ROR1: variants seen among roughly 807,000 people sequenced by gnomAD.
The protein encoded by ROR1 is ROR family WNT receptor 1.
Under a neutral mutation model 78.8 loss-of-function variants are expected in ROR1, and 19 were observed. The ratio of observed to expected loss-of-function variants is 0.24; its 90% CI spans 0.17 to 0.35. The LOEUF (loss-of-function observed/expected upper bound fraction) is 0.35, where lower values mean the gene tolerates loss of function less well. ROR1 is among the 10% of genes least tolerant of loss of function. ROR1 has a pLI of 1.00. For synonymous variants in ROR1, 386 were observed against 433.6 expected, an observed-to-expected ratio of 0.89 and a Z score of 1.36; for missense variants, 917 against 1,177.8, an observed-to-expected ratio of 0.78 and a Z score of 3.24.
intron 1 of ROR1, chr1:63,789,307 C>T (rs996418824): frequency 1.3e-5 from 7 of 520,914 alleles, no homozygotes; most frequent in Non-Finnish European, 2.5e-5. Context: ...ATACTCATGG[C>T]TGTGACCATA....
rs1279736163 is a variant in ROR1 at position 63,968,644 on chromosome 1, C to A, written c.92-40661C>A. ...CAGTGAGATGGATCAAACTATTCTG[C>A]CCCCGAGTTTATTGTATACACCCAC... On this transcript the variant is annotated intron_variant, in intron 1 of 8. Transcript: ENST00000371079. 1.6e-4 allele frequency among the ~76,000 whole-genome samples: 24 copies of A among 152,148 alleles called. 1 individual carries two copies. Among genetic ancestry groups the A allele is most frequent in the Non-Finnish European group, 1.5e-5 (1 of 68,028 alleles).
At chr1:64,093,713 G>A (rs982765317) in intron 4 of ROR1, among the ~76,000 whole-genome samples, 3 of 151,944 alleles carry the variant, frequency 2.0e-5, no homozygotes, top group Non-Finnish European at 2.9e-5. Context: ...AGTGAGATAC[G>A]GTAACTTGCC....
intron 1 of ROR1, among the ~76,000 whole-genome samples, chr1:63,861,568 A>G (rs529016856): frequency 4.6e-5 from 7 of 152,324 alleles, no homozygotes; most frequent in African/African-American, 1.7e-4. Context: ...TACCACTGCC[A>G]CTGCAGCCGA....
intron 1 of ROR1, among the ~76,000 whole-genome samples, chr1:63,780,533 A>G (rs1274983698): frequency 6.6e-6 from 1 of 152,244 alleles, no homozygotes; most frequent in South Asian, 2.1e-4. Flanking sequence ...GTTAGCCACC[A>G]TCATTATCAA....
In ROR1 at chr1:64,137,358, CT is replaced by C; in HGVS notation, c.483-8del. On this transcript the variant is annotated splice_polypyrimidine_tract_variant and intron_variant, in intron 4 of 8. Coordinates refer to ENST00000371079, the MANE Select transcript of ROR1 (RefSeq NM_005012.4). ...GTGCATCAGCTAATGTCTGTCTATG[CT>C]TTCTTTCAGAGATGAGTATGAAGAA... 6.2e-7 allele frequency: 1 copy of C among 1,613,670 alleles called. No homozygotes were observed. Among genetic ancestry groups the C allele is most frequent in the Non-Finnish European group, 8.5e-7 (1 of 1,179,748 alleles).
Position 63,774,606 on chromosome 1 carries a change from G to A in ROR1, c.91+98G>A. 1 of 625,444 alleles carries A rather than the reference G, an allele frequency of 1.6e-6. No homozygotes were observed. The highest frequency in any genetic ancestry group is 2.0e-6 in the Non-Finnish European group (1 of 499,212). 38.7% of individuals were successfully genotyped at this position (625,444 alleles called of 1,614,324 possible). On this transcript the variant is annotated intron_variant, in intron 1 of 8. Transcript: ENST00000371079. The surrounding 1 kb of genome is among the most constrained non-coding windows in gnomAD (Gnocchi z 5.7). ...GCGCGGGACACGCAGGAAGCGCCGC[G>A]CTGGCTCCGGGGCGCGTCCGGCCAC...
intron 1 of ROR1, among the ~76,000 whole-genome samples, chr1:63,855,902 C>G (rs1398538507): frequency 2.0e-5 from 3 of 151,988 alleles, no homozygotes; most frequent in Non-Finnish European, 4.4e-5. Flanking sequence ...CGTGACCCGC[C>G]CACCTCGGCC....
chr1:63,790,011 C>T (rs1644716149), intron 1 of ROR1, among the ~76,000 whole-genome samples: 1 of 152,168 alleles, frequency 6.6e-6, no homozygotes, highest in South Asian at 2.1e-4. Context: ...TTTCCCCCAC[C>T]CATCAGCTAC....
intron 4 of ROR1, among the ~76,000 whole-genome samples, chr1:64,061,715 T>G (rs1646918305): frequency 6.6e-6 from 1 of 152,218 alleles, no homozygotes. Flanking sequence ...CACTAGCCAG[T>G]GACCCTGGGC....
In ROR1 at chr1:64,076,068, C is replaced by CTTTT. The variant is rs539513395; in HGVS notation, c.482+25352_482+25353insTTTT. 2.1e-3 allele frequency among the ~76,000 whole-genome samples: 314 copies of CTTTT among 152,314 alleles called. 2 individuals are homozygous for CTTTT. The highest frequency in any genetic ancestry group is 7.4e-3 in the African/African-American group (308 of 41,568). Reference sequence around the variant, plus strand: ...TCAGTTCTCCTACCCTTCTTGCTGACAGAGGAAGAAGAATCCCACTACCTT... The same window carrying CTTTT: ...TCAGTTCTCCTACCCTTCTTGCTGACTTTTAGAGGAAGAAGAATCCCACTACCTT... On this transcript the variant is annotated intron_variant, in intron 4 of 8. Coordinates refer to ENST00000371079, the MANE Select transcript of ROR1 (RefSeq NM_005012.4).
intron 4 of ROR1, among the ~76,000 whole-genome samples, chr1:64,119,500 G>T (rs774661280): frequency 6.6e-6 from 1 of 151,948 alleles, no homozygotes. Context: ...TTAGCCAGGC[G>T]TGGTGGCAGG....
intron 1 of ROR1, among the ~76,000 whole-genome samples, chr1:63,820,896 A>G (rs1644919638): frequency 6.6e-6 from 1 of 152,190 alleles, no homozygotes; most frequent in South Asian, 2.1e-4. Context: ...AGGAAGTGGC[A>G]GAGATGGGAC....
At chr1:64,130,924 G>T (rs934459122) in intron 4 of ROR1, among the ~76,000 whole-genome samples, 1 of 152,190 alleles carries the variant, frequency 6.6e-6, no homozygotes, top group Non-Finnish European at 1.5e-5. Context: ...GAGGTTACTA[G>T]AGCCATTATG....
chr1:63,809,589 G>A (rs774850126), intron 1 of ROR1, among the ~76,000 whole-genome samples: 5 of 152,160 alleles, frequency 3.3e-5, no homozygotes, highest in African/African-American at 7.2e-5. Context: ...TAGGGGAGAC[G>A]CTTAAGCAAA....
chr1:63,904,894 G>A (rs138356106), intron 1 of ROR1, among the ~76,000 whole-genome samples: 4 of 152,296 alleles, frequency 2.6e-5, no homozygotes, highest in Non-Finnish European at 5.9e-5. Flanking sequence ...GTTTGATTCT[G>A]TGGCACTTGG....
At chr1:64,083,012 C>T (rs1307388708) in intron 4 of ROR1, among the ~76,000 whole-genome samples, 1 of 152,168 alleles carries the variant, frequency 6.6e-6, no homozygotes, top group Non-Finnish European at 1.5e-5. Flanking sequence ...GAAAATAGTA[C>T]AGTTCTTGAA....
At chr1:63,979,456 C>A (rs1428798107) in intron 1 of ROR1, among the ~76,000 whole-genome samples, 1 of 152,132 alleles carries the variant, frequency 6.6e-6, no homozygotes, top group African/African-American at 2.4e-5. Flanking sequence ...TCCAGTGAGA[C>A]TGGAGCCATA....
At chr1:63,857,017 G>C (rs1444132657) in intron 1 of ROR1, among the ~76,000 whole-genome samples, 1 of 152,126 alleles carries the variant, frequency 6.6e-6, no homozygotes, top group African/African-American at 2.4e-5. Context: ...GACAGGGAAT[G>C]TCTTTAATCT....
At chr1:63,812,207 G>A (rs1269734818) in intron 1 of ROR1, among the ~76,000 whole-genome samples, 6 of 152,132 alleles carry the variant, frequency 3.9e-5, no homozygotes, top group Admixed American at 6.5e-5. Context: ...TGATCTGTCC[G>A]CCTCAGCTTC....
Sources: gnomAD v4.1 joint callset for allele counts (sites outside exome capture counted in the v4.1 genomes callset) on GRCh38, gnomAD v4.1.1 for gene constraint, Gnocchi (gnomAD v3.1) non-coding constraint, MANE v1.5 for transcripts, NCBI Gene and HGNC (gene_info 2026-07-23, HGNC 2026-07-21) for gene names.